FCHSD2: variants seen among roughly 807,000 people sequenced by gnomAD.
The protein encoded by FCHSD2 is F-BAR and double SH3 domains protein 2.
A neutral mutation model predicts 108.1 loss-of-function variants in FCHSD2; 38 were observed. That is an observed-to-expected ratio of 0.35 (90% CI 0.27 to 0.46). The LOEUF is 0.46. Ranked by LOEUF, FCHSD2 falls within the 20% of genes least tolerant of loss-of-function variation. The pLI, the probability that FCHSD2 is intolerant of heterozygous loss-of-function variation, is 1.00. For synonymous variants in FCHSD2, 279 were observed against 314.7 expected (o/e 0.89, Z 1.20); for missense variants, 751 against 897.8 (o/e 0.84, Z 2.09).
chr11:73,045,052 A>G (rs1034125868), intron 3 of FCHSD2, among the ~76,000 whole-genome samples: 1 of 151,528 alleles, frequency 6.6e-6, no homozygotes, highest in Non-Finnish European at 1.5e-5. Context: ...CCTGGGCGAC[A>G]GAGCAAGACT....
intron 15 of FCHSD2, 22 bp downstream of exon 15, chr11:72,843,427 C>T (rs369468492): frequency 2.0e-5 from 32 of 1,605,688 alleles, no homozygotes; most frequent in South Asian, 3.3e-5. Flanking sequence ...CAAGAAAGGG[C>T]GATATGAGCA....
chr11:72,864,806 G>A (rs1187310506), intron 13 of FCHSD2, among the ~76,000 whole-genome samples: 2 of 152,178 alleles, frequency 1.3e-5, no homozygotes, highest in Admixed American at 6.5e-5. Context: ...AAGAGAAGCA[G>A]GATGATAAGA....
intron 2 of FCHSD2, among the ~76,000 whole-genome samples, chr11:73,124,625 G>A (rs1204230527): frequency 2.0e-5 from 3 of 152,016 alleles, no homozygotes; most frequent in South Asian, 4.1e-4. Flanking sequence ...GCATGATGGC[G>A]TGTGCCTCTA....
intron 5 of FCHSD2, among the ~76,000 whole-genome samples, chr11:72,991,086 C>T (rs529726555): frequency 1.3e-5 from 2 of 152,310 alleles, no homozygotes; most frequent in Non-Finnish European, 2.9e-5. Flanking sequence ...ATAAACACCT[C>T]TACGCAAATA....
intron 10 of FCHSD2, among the ~76,000 whole-genome samples, chr11:72,896,603 A>C (rs932131933): frequency 6.6e-6 from 1 of 152,032 alleles, no homozygotes; most frequent in African/African-American, 2.4e-5. Context: ...TCTTTGTGGA[A>C]TAAGTAGAAC....
chr11:73,114,752 G>A (rs1040445306), intron 2 of FCHSD2, among the ~76,000 whole-genome samples: 7 of 152,008 alleles, frequency 4.6e-5, no homozygotes, highest in South Asian at 2.1e-4. Context: ...TGATGACTCC[G>A]CCCAGTGCCC....
In FCHSD2 at chr11:73,141,914, G is replaced by C; in HGVS notation, c.-37C>G. 6.5e-7 allele frequency: 1 copy of C among 1,539,940 alleles called. No individual in the cohort carries two copies. The highest frequency in any genetic ancestry group is 8.7e-7 in the Non-Finnish European group (1 of 1,144,390). ...GACATCAATCCTCCCCGACGGCAGC[G>C]TTAGCAAGGACCAGGAGGAGGAGGA... On this transcript the variant is annotated 5_prime_UTR_variant, in exon 1 of 20. Coordinates refer to ENST00000409418, the MANE Select transcript of FCHSD2 (RefSeq NM_014824.3).
intron 4 of FCHSD2, among the ~76,000 whole-genome samples, chr11:73,007,085 T>C (rs1857756799): frequency 6.6e-6 from 1 of 152,230 alleles, no homozygotes; most frequent in Admixed American, 6.5e-5. Context: ...TGTACCATTA[T>C]TTTCTTATCA....
intron 3 of FCHSD2, among the ~76,000 whole-genome samples, chr11:73,068,603 T>C (rs565111729): frequency 6.6e-6 from 1 of 152,196 alleles, no homozygotes; most frequent in South Asian, 2.1e-4. Context: ...TATCAGTTTT[T>C]ATACAGTTAA....
chr11:72,965,576 G>T (rs1223595826), intron 8 of FCHSD2, among the ~76,000 whole-genome samples: 6 of 151,870 alleles, frequency 4.0e-5, no homozygotes, highest in Admixed American at 3.9e-4. Context: ...ATTTATTTCT[G>T]AAACTTTTTG....
rs563705177 is a variant in FCHSD2, at chr11:72,890,027, C to G, written c.925-82G>C. ...CTGCTTTGTAGATGGATCAGAAGGC[C>G]TTCACTTAATCAGCACTCAAAACAT... On this transcript the variant is annotated intron_variant, in intron 10 of 19. Transcript: ENST00000409418. The G allele has an allele frequency of 1.8e-5, 15 of 811,218 alleles. No individual in the cohort carries two copies. The Admixed American group carries it at 3.4e-4, about 18-fold the overall frequency. The allele number at this position is 811,218 out of a possible 1,614,324, so 50.3% of individuals were successfully genotyped here. A position where few individuals can be genotyped will look rare whatever the true frequency, so the allele number is the denominator to read the frequency against.
chr11:72,959,042 T>C (rs1856770776), intron 8 of FCHSD2, among the ~76,000 whole-genome samples: 1 of 151,400 alleles, frequency 6.6e-6, no homozygotes, highest in Admixed American at 6.6e-5. Context: ...CATGCGTGCA[T>C]GGGACACACA....
chr11:72,846,806 T>C (rs1861158488), intron 14 of FCHSD2, among the ~76,000 whole-genome samples: 1 of 152,218 alleles, frequency 6.6e-6, no homozygotes, highest in African/African-American at 2.4e-5. Context: ...AAAATATGCA[T>C]AATTGAGCTC....
chr11:72,900,604 T>A (rs1268405431), intron 10 of FCHSD2, among the ~76,000 whole-genome samples: 1 of 151,322 alleles, frequency 6.6e-6, no homozygotes, highest in Non-Finnish European at 1.5e-5. Context: ...CTCTGCTTCA[T>A]CCCTCCCAGG....
intron 8 of FCHSD2, among the ~76,000 whole-genome samples, chr11:72,933,292 A>T (rs982690367): frequency 2.0e-5 from 3 of 152,180 alleles, no homozygotes; most frequent in Non-Finnish European, 4.4e-5. Context: ...CACCAAAGTT[A>T]TTCTTCCTAC....
intron 2 of FCHSD2, among the ~76,000 whole-genome samples, chr11:73,108,745 G>A (rs190254836): frequency 1.6e-3 from 237 of 151,134 alleles, no homozygotes; most frequent in Non-Finnish European, 2.4e-3. Context: ...ATTTTTTTTT[G>A]TATTTTTAGT....
chr11:72,971,046 A>G (rs1317596436), intron 8 of FCHSD2, among the ~76,000 whole-genome samples: 1 of 152,178 alleles, frequency 6.6e-6, no homozygotes, highest in East Asian at 1.9e-4. Context: ...TGGTACGGAG[A>G]TAAGTTATCC....
chr11:72,853,871 C>T (rs1374811421), intron 13 of FCHSD2, among the ~76,000 whole-genome samples: 1 of 152,058 alleles, frequency 6.6e-6, no homozygotes, highest in Non-Finnish European at 1.5e-5. Context: ...CTAAAACTGA[C>T]CATCAACAAC....
At chr11:72,911,807 C>T (rs1312085648) in intron 9 of FCHSD2, among the ~76,000 whole-genome samples, 1 of 152,196 alleles carries the variant, frequency 6.6e-6, no homozygotes. Flanking sequence ...ACCTCCATCT[C>T]TTGAATTCAA....
Sources: gnomAD v4.1 joint callset for allele counts (sites outside exome capture counted in the v4.1 genomes callset) on GRCh38, gnomAD v4.1.1 for gene constraint, MANE v1.5 for transcripts, NCBI Gene and HGNC (gene_info 2026-07-23, HGNC 2026-07-21) for gene names.